GLIS3: variants seen among roughly 807,000 people sequenced by gnomAD.
GLIS3 encodes zinc finger protein GLIS3.
In GLIS3, 53 loss-of-function variants were observed where a neutral mutation model predicts 78.6. The observed-to-expected ratio is 0.67, with a 90% CI of 0.54 to 0.85. The LOEUF is 0.85. Among genes scored for constraint, GLIS3 ranks in the 40% least tolerant of loss-of-function variants. The pLI is 0.00. For synonymous variants in GLIS3, 684 were observed against 509.9 expected (o/e 1.34, Z -4.60); for missense variants, 1,703 against 1,231.1 (o/e 1.38, Z -5.74).
At chr9:3,890,651 C>T (rs908182486) in intron 7 of GLIS3, among the ~76,000 whole-genome samples, 3 of 152,108 alleles carry the variant, frequency 2.0e-5, no homozygotes, top group Non-Finnish European at 4.4e-5. Flanking sequence ...CCTCCCCAAA[C>T]TGAACATCTA....
the GLIS3 span, among the ~76,000 whole-genome samples, chr9:4,417,405 C>T: frequency 1.3e-5 from 2 of 152,148 alleles, no homozygotes; most frequent in Non-Finnish European, 2.9e-5. Flanking sequence ...GAAGATAAAT[C>T]AATCATATTT....
chr9:4,203,441 C>A (rs1819583835), intron 2 of GLIS3, among the ~76,000 whole-genome samples: 1 of 152,160 alleles, frequency 6.6e-6, no homozygotes, highest in Admixed American at 6.5e-5. Flanking sequence ...GAACTTAGAA[C>A]ACACATTTAC....
intron 2 of GLIS3, among the ~76,000 whole-genome samples, chr9:4,281,693 A>G (rs1827568659): frequency 6.6e-6 from 1 of 152,190 alleles, no homozygotes; most frequent in African/African-American, 2.4e-5. Context: ...GGCTATCATA[A>G]ATAATGCTGC....
intron 2 of GLIS3, among the ~76,000 whole-genome samples, chr9:4,166,444 G>T (rs951711924): frequency 1.4e-4 from 22 of 152,302 alleles, no homozygotes; most frequent in African/African-American, 5.3e-4. Context: ...AGAGGCACAT[G>T]ATATTTGATC....
intron 4 of GLIS3, among the ~76,000 whole-genome samples, chr9:4,103,794 T>G (rs1323180090): frequency 6.6e-6 from 1 of 152,188 alleles, no homozygotes; most frequent in Non-Finnish European, 1.5e-5. Flanking sequence ...TCTGTTTGAC[T>G]ATATTCTGGT....
At chr9:3,927,590 T>A (rs939903253) in intron 6 of GLIS3, among the ~76,000 whole-genome samples, 3 of 152,212 alleles carry the variant, frequency 2.0e-5, no homozygotes, top group African/African-American at 7.2e-5. Context: ...GTGGTAGATA[T>A]CTTTCGATAT....
rs1832529434 is a variant in GLIS3 at position 4,125,794 on chromosome 9, C to G, written c.536G>C (p.Ser179Thr). Reference sequence around the variant, plus strand: ...ATTCATTGCCCTCTGTAAGCTAGGACTGATCTGGTTGCATGCTGTAGAGAC... The same window carrying G: ...ATTCATTGCCCTCTGTAAGCTAGGAGTGATCTGGTTGCATGCTGTAGAGAC... Reference protein sequence around the residue: ...SQVSTACNQISPSLQRAMNAA... With the variant: ...SQVSTACNQITPSLQRAMNAA... The change falls in exon 3 of 11, where the codon AGT (serine) becomes ACT (threonine). Residue 179 changes from serine to threonine, a missense_variant. Coordinates refer to ENST00000381971, the MANE Select transcript of GLIS3 (RefSeq NM_001042413.2). The G allele has an allele frequency of 6.2e-7, 1 of 1,614,042 alleles. No homozygotes were observed. Among genetic ancestry groups the G allele is most frequent in the African/African-American group, 1.3e-5 (1 of 74,922 alleles).
At chr9:4,002,872 A>G (rs1370482020) in intron 4 of GLIS3, among the ~76,000 whole-genome samples, 1 of 152,198 alleles carries the variant, frequency 6.6e-6, no homozygotes, top group East Asian at 1.9e-4. Context: ...CGTGATGGTT[A>G]GAACTGCAAT....
chr9:3,950,137 G>C (rs1194288892), intron 4 of GLIS3, among the ~76,000 whole-genome samples: 1 of 152,104 alleles, frequency 6.6e-6, no homozygotes, highest in Non-Finnish European at 1.5e-5. Context: ...TAATCTCCAA[G>C]TCTGCAACTA....
At chr9:4,193,849 TAA>T (rs1410876064) in intron 2 of GLIS3, among the ~76,000 whole-genome samples, 1 of 152,190 alleles carries the variant, frequency 6.6e-6, no homozygotes, top group Non-Finnish European at 1.5e-5. Context: ...CTAAAATCAA[TAA>T]GTCACTTTTC....
intron 4 of GLIS3, among the ~76,000 whole-genome samples, chr9:3,958,734 T>C (rs929374993): frequency 6.6e-6 from 1 of 152,138 alleles, no homozygotes; most frequent in African/African-American, 2.4e-5. Context: ...TGAGATATAA[T>C]AAAAGATACA....
At chr9:4,217,035 C>G (rs145601809) in intron 2 of GLIS3, among the ~76,000 whole-genome samples, 1 of 152,294 alleles carries the variant, frequency 6.6e-6, no homozygotes, top group East Asian at 1.9e-4. Flanking sequence ...TCTGTAAAAT[C>G]CAAGAGTCAT....
chr9:4,460,095 AC>A, the GLIS3 span, among the ~76,000 whole-genome samples: 1 of 152,084 alleles, frequency 6.6e-6, no homozygotes, highest in South Asian at 2.1e-4. Flanking sequence ...CAGGTCAGGT[AC>A]CCATCAAGCA....
At chr9:3,931,566 T>C (rs1825617760) in intron 6 of GLIS3, among the ~76,000 whole-genome samples, 1 of 152,134 alleles carries the variant, frequency 6.6e-6, no homozygotes, top group South Asian at 2.1e-4. Flanking sequence ...GAATAGAAGA[T>C]ACTCACTGAT....
chr9:4,177,626 T>C (rs1428704293), intron 2 of GLIS3, among the ~76,000 whole-genome samples: 2 of 152,192 alleles, frequency 1.3e-5, no homozygotes, highest in African/African-American at 2.4e-5. Flanking sequence ...AGATCTATTT[T>C]AGCTTCTATG....
At chr9:4,316,362 G>A (rs937365961) in intron 2 of GLIS3, among the ~76,000 whole-genome samples, 5 of 152,234 alleles carry the variant, frequency 3.3e-5, no homozygotes, top group African/African-American at 1.2e-4. Context: ...TCCTTAACTG[G>A]ACTGACTTTA....
intron 6 of GLIS3, among the ~76,000 whole-genome samples, chr9:3,932,023 T>A (rs1825651584): frequency 1.3e-5 from 2 of 152,230 alleles, no homozygotes; most frequent in South Asian, 4.1e-4. Context: ...TTTAGCTATC[T>A]GAACTTAACT....
At chr9:4,394,963 G>A in the GLIS3 span, among the ~76,000 whole-genome samples, 1 of 152,154 alleles carries the variant, frequency 6.6e-6, no homozygotes, top group African/African-American at 2.4e-5. Flanking sequence ...TTATTTATGA[G>A]TGCTATTCTT....
At chr9:4,211,247 G>C (rs1820346682) in intron 2 of GLIS3, among the ~76,000 whole-genome samples, 1 of 152,188 alleles carries the variant, frequency 6.6e-6, no homozygotes, top group Non-Finnish European at 1.5e-5. Flanking sequence ...GACTCCATTT[G>C]TTTATGTAAG....
Sources: gnomAD v4.1 joint callset for allele counts (sites outside exome capture counted in the v4.1 genomes callset) on GRCh38, gnomAD v4.1.1 for gene constraint, MANE v1.5 for transcripts, NCBI Gene and HGNC (gene_info 2026-07-23, HGNC 2026-07-21) for gene names.